GRIN2A: variants seen among roughly 807,000 people sequenced by gnomAD.
The protein encoded by GRIN2A is glutamate receptor ionotropic, NMDA 2A.
Under a neutral mutation model 113.4 loss-of-function variants are expected in GRIN2A, and 22 were observed. The ratio of observed to expected loss-of-function variants is 0.19; its 90% CI spans 0.14 to 0.28. The LOEUF is 0.28. Among genes scored for constraint, GRIN2A ranks in the 10% least tolerant of loss-of-function variants. The pLI is 1.00. For synonymous variants in GRIN2A, 827 were observed against 738.4 expected (o/e 1.12, Z -1.94); for missense variants, 1,502 against 1,887.0 (o/e 0.80, Z 3.78).
chr16:10,179,890 C>T (rs748991774), intron 2 of GRIN2A, 108 bp downstream of exon 2: 2 of 706,282 alleles, frequency 2.8e-6, no homozygotes, highest in Non-Finnish European at 4.9e-6. Flanking sequence ...CCACCCCCAC[C>T]CCCACTTCAC....
At chr16:9,993,032 A>G (rs957915267) in intron 2 of GRIN2A, among the ~76,000 whole-genome samples, 8 of 151,534 alleles carry the variant, frequency 5.3e-5, no homozygotes, top group Non-Finnish European at 1.0e-4. Flanking sequence ...CCTGGCAAAC[A>G]TGGCAAAACC....
intron 2 of GRIN2A, among the ~76,000 whole-genome samples, chr16:9,977,482 C>T (rs1235338363): frequency 6.6e-6 from 1 of 152,126 alleles, no homozygotes; most frequent in East Asian, 1.9e-4. Context: ...TCATTGCATG[C>T]CATCTGCCAG....
intron 2 of GRIN2A, among the ~76,000 whole-genome samples, chr16:10,101,184 C>G (rs1322085590): frequency 6.6e-6 from 1 of 152,214 alleles, no homozygotes; most frequent in Non-Finnish European, 1.5e-5. Flanking sequence ...CAGAGACTGT[C>G]TGGTCTGCAT....
At chr16:9,866,250 G>A (rs2043158521) in intron 4 of GRIN2A, among the ~76,000 whole-genome samples, 1 of 152,202 alleles carries the variant, frequency 6.6e-6, no homozygotes, top group Non-Finnish European at 1.5e-5. Flanking sequence ...AGGCAGATCT[G>A]ATGAGGGAAG....
chr16:9,984,844 T>C (rs1487838839), intron 2 of GRIN2A, among the ~76,000 whole-genome samples: 1 of 152,252 alleles, frequency 6.6e-6, no homozygotes, highest in Admixed American at 6.5e-5. Flanking sequence ...TTTGGTTTTT[T>C]ATTACTTTTG....
intron 4 of GRIN2A, among the ~76,000 whole-genome samples, chr16:9,868,278 A>AT (rs1232884258): frequency 6.6e-6 from 1 of 151,540 alleles, no homozygotes; most frequent in Non-Finnish European, 1.5e-5. Context: ...TTTATTTTTT[A>AT]TTTTTTTGAG....
At chr16:9,848,600 A>AAT (rs1228685624) in intron 5 of GRIN2A, among the ~76,000 whole-genome samples, 1 of 148,956 alleles carries the variant, frequency 6.7e-6, no homozygotes, top group Admixed American at 6.7e-5. Flanking sequence ...AATGTATAAA[A>AAT]ATATATGATC....
chr16:9,999,884 A>G (rs1172854137), intron 2 of GRIN2A, among the ~76,000 whole-genome samples: 1 of 152,188 alleles, frequency 6.6e-6, no homozygotes, highest in African/African-American at 2.4e-5. Flanking sequence ...TTATTCTGCA[A>G]TTCTGAGGTC....
chr16:9,882,939 C>A (rs955320617), intron 4 of GRIN2A, among the ~76,000 whole-genome samples: 1 of 152,212 alleles, frequency 6.6e-6, no homozygotes, highest in African/African-American at 2.4e-5. Context: ...CCCTAAATTT[C>A]TCCTCTAGAA....
intron 2 of GRIN2A, among the ~76,000 whole-genome samples, chr16:10,138,852 G>A (rs2049259671): frequency 6.6e-6 from 1 of 152,166 alleles, no homozygotes; most frequent in South Asian, 2.1e-4. Flanking sequence ...TTATCAGAAT[G>A]TTTTGAATAT....
chr16:9,963,142 A>T lies in GRIN2A; in HGVS notation c.415-24591T>A, dbSNP rs538833348. On this transcript the variant is annotated intron_variant, in intron 2 of 12. Coordinates refer to ENST00000330684, the MANE Select transcript of GRIN2A (RefSeq NM_001134407.3). Reference sequence around the variant, plus strand: ...GTTGTGGGGTGGGGGGCGGGGAGGGATAGCATTAGGAGATATACCTAATGC... The same window carrying T: ...GTTGTGGGGTGGGGGGCGGGGAGGGTTAGCATTAGGAGATATACCTAATGC... Among the ~76,000 whole-genome samples, 4 of 147,444 alleles carry T rather than the reference A, an allele frequency of 2.7e-5. 1 individual carries two copies. In the South Asian group the frequency reaches 9.5e-4, roughly 35 times the overall value.
chr16:10,147,490 T>C (rs1167345758), intron 2 of GRIN2A, among the ~76,000 whole-genome samples: 1 of 136,754 alleles, frequency 7.3e-6, no homozygotes, highest in Non-Finnish European at 1.5e-5. Flanking sequence ...TAGCCAGGCA[T>C]GCAGGCATGG....
At chr16:10,152,289 C>T (rs569400227) in intron 2 of GRIN2A, among the ~76,000 whole-genome samples, 59 of 152,328 alleles carry the variant, frequency 3.9e-4, no homozygotes, top group African/African-American at 1.2e-3. Context: ...CCAACCAAAG[C>T]GATCTGCATA....
At chr16:10,088,845 T>C (rs1448346319) in intron 2 of GRIN2A, among the ~76,000 whole-genome samples, 1 of 152,220 alleles carries the variant, frequency 6.6e-6, no homozygotes, top group Admixed American at 6.5e-5. Context: ...TCAGCACTCT[T>C]GTAGAGGACA....
chr16:9,939,349 G>A (rs565888820), intron 2 of GRIN2A, among the ~76,000 whole-genome samples: 1 of 152,260 alleles, frequency 6.6e-6, no homozygotes, highest in African/African-American at 2.4e-5. Flanking sequence ...TCATGGCACC[G>A]AAAGGAGGCG....
chr16:10,065,554 T>C (rs1305928565), intron 2 of GRIN2A, among the ~76,000 whole-genome samples: 1 of 152,248 alleles, frequency 6.6e-6, no homozygotes, highest in Non-Finnish European at 1.5e-5. Context: ...GGCAAGTTAT[T>C]GAACCTCAAT....
intron 4 of GRIN2A, among the ~76,000 whole-genome samples, chr16:9,859,746 ATTC>A (rs2043031668): frequency 6.6e-6 from 1 of 151,998 alleles, no homozygotes; most frequent in South Asian, 2.1e-4. Flanking sequence ...TCTGCCTGGA[ATTC>A]TTCTCCTTAT....
chr16:9,973,273 TG>T (rs535835157), intron 2 of GRIN2A, among the ~76,000 whole-genome samples: 83 of 152,312 alleles, frequency 5.4e-4, no homozygotes, highest in Middle Eastern at 3.4e-3. Flanking sequence ...GAAGGGTGTT[TG>T]TTTTGGGAAA....
chr16:10,167,390 G>C (rs1315780264), intron 2 of GRIN2A, among the ~76,000 whole-genome samples: 1 of 152,158 alleles, frequency 6.6e-6, no homozygotes, highest in Admixed American at 6.5e-5. Context: ...TTACATTTTA[G>C]AGTGAGTTTA....
Sources: gnomAD v4.1 joint callset for allele counts (sites outside exome capture counted in the v4.1 genomes callset) on GRCh38, gnomAD v4.1.1 for gene constraint, MANE v1.5 for transcripts, NCBI Gene and HGNC (gene_info 2026-07-23, HGNC 2026-07-21) for gene names.